COL25A1: variants seen among roughly 807,000 people sequenced by gnomAD.
COL25A1 encodes the protein collagen alpha-1(XXV) chain.
In COL25A1, 103 loss-of-function variants were observed where a neutral mutation model predicts 128.4. That is an observed-to-expected ratio of 0.80 (90% CI 0.68 to 0.94). The LOEUF (loss-of-function observed/expected upper bound fraction) is 0.94. COL25A1 is among the 40% of genes least tolerant of loss of function. The probability of loss-of-function intolerance (pLI) is 0.00; values close to 1 mark genes in which losing one functional copy is unlikely to be tolerated. For missense variants in COL25A1, 745 were observed against 840.0 expected, an observed-to-expected ratio of 0.89 and a Z score of 1.40; for synonymous variants, 279 against 277.2, an observed-to-expected ratio of 1.01 and a Z score of -0.06.
rs147350116 is a variant in COL25A1, at chr4:109,210,518, A to G, written c.367+90065T>C. ...AAGATGAGCCAGCATATTCCAACAGACAAAATTGCAATGTGATCTTATTTT... is the reference window on the plus strand; with the variant it reads ...AAGATGAGCCAGCATATTCCAACAGGCAAAATTGCAATGTGATCTTATTTT... On this transcript the variant is annotated intron_variant, in intron 3 of 37. Transcript: ENST00000399132. Among the ~76,000 whole-genome samples the G allele has an allele frequency of 2.9e-3, 449 of 152,336 alleles. 1 individual carries two copies. The highest frequency in any genetic ancestry group is 0.01 in the African/African-American group (429 of 41,590).
At chr4:109,012,803 C>A (rs1326472838) in intron 5 of COL25A1, among the ~76,000 whole-genome samples, 3 of 152,214 alleles carry the variant, frequency 2.0e-5, no homozygotes, top group African/African-American at 7.2e-5. Flanking sequence ...ACGGGTGCCG[C>A]CCCCTGCTCC....
rs71848943 is a variant in COL25A1 at position 109,052,210 on chromosome 4, G to GA, written c.368-2032dup. ...TTTTACTTAACAGACAGAAGATTAT[G>GA]AAAAAAATGATTAAAGAAGCACTCA... On this transcript the variant is annotated intron_variant, in intron 3 of 37. Transcript: ENST00000399132. 2.6e-5 allele frequency among the ~76,000 whole-genome samples: 4 copies of GA among 152,040 alleles called. No homozygotes were observed. In the East Asian group the frequency reaches 5.8e-4, roughly 22 times the overall value.
At chr4:108,887,743 T>C (rs1740997448) in intron 18 of COL25A1, among the ~76,000 whole-genome samples, 1 of 152,188 alleles carries the variant, frequency 6.6e-6, no homozygotes, top group Non-Finnish European at 1.5e-5. Context: ...TTTTATTAAG[T>C]AATTGAAAAT....
At chr4:109,064,044 G>A (rs1375680876) in intron 3 of COL25A1, among the ~76,000 whole-genome samples, 1 of 152,168 alleles carries the variant, frequency 6.6e-6, no homozygotes, top group African/African-American at 2.4e-5. Flanking sequence ...CAAAGTTGGA[G>A]GCTTAATTGG....
chr4:108,896,168 T>C (rs1309829225), intron 16 of COL25A1, among the ~76,000 whole-genome samples: 2 of 151,770 alleles, frequency 1.3e-5, no homozygotes, highest in African/African-American at 4.8e-5. Flanking sequence ...CAGGATGGTC[T>C]CGATCTGCTG....
rs569107588 is a variant in COL25A1 at position 108,983,742 on chromosome 4, G to T, written c.439-9183C>A. 3.3e-5 allele frequency among the ~76,000 whole-genome samples: 5 copies of T among 152,122 alleles called. No individual in the cohort carries two copies. In the South Asian group the frequency reaches 1.0e-3, roughly 32 times the overall value. On this transcript the variant is annotated intron_variant, in intron 6 of 37. Transcript: ENST00000399132. ...CGCAGTGAGTGTTACAGCTCTTAAGGCGGTGCGTCTGGAGTTGCTCGTTCC... is the reference window on the plus strand; with the variant it reads ...CGCAGTGAGTGTTACAGCTCTTAAGTCGGTGCGTCTGGAGTTGCTCGTTCC...
intron 19 of COL25A1, among the ~76,000 whole-genome samples, chr4:108,873,182 T>A (rs1172760332): frequency 1.3e-5 from 2 of 151,966 alleles, no homozygotes; most frequent in Non-Finnish European, 2.9e-5. Flanking sequence ...TGTGAGCCAC[T>A]CCCCCCAGGC....
At chr4:108,912,145 T>C (rs1007734653) in intron 13 of COL25A1, among the ~76,000 whole-genome samples, 1 of 152,154 alleles carries the variant, frequency 6.6e-6, no homozygotes, top group Admixed American at 6.5e-5. Context: ...AAAATGTCTT[T>C]AAGAGTAGAG....
intron 3 of COL25A1, among the ~76,000 whole-genome samples, chr4:109,283,869 C>T (rs1379466666): frequency 2.0e-5 from 3 of 152,190 alleles, no homozygotes; most frequent in South Asian, 4.1e-4. Flanking sequence ...CAAACTACTT[C>T]CTTCCAAATA....
intron 3 of COL25A1, among the ~76,000 whole-genome samples, chr4:109,263,733 T>C (rs569364573): frequency 1.0e-3 from 158 of 152,328 alleles, no homozygotes; most frequent in African/African-American, 3.6e-3. Flanking sequence ...CACTGAGCAC[T>C]GGGCCCTCTG....
At chr4:108,913,261 CTTTT>C (rs201929872) in intron 13 of COL25A1, among the ~76,000 whole-genome samples, 26 of 92,424 alleles carry the variant, frequency 2.8e-4, no homozygotes, top group South Asian at 7.0e-4. Context: ...TCTCTAGCTC[CTTTT>C]TTTTTTTTTT....
chr4:109,226,350 C>T (rs1439296495), intron 3 of COL25A1, among the ~76,000 whole-genome samples: 1 of 152,022 alleles, frequency 6.6e-6, no homozygotes, highest in Non-Finnish European at 1.5e-5. Flanking sequence ...GACAAAACTG[C>T]ACTTGTACCC....
At chr4:108,916,662 A>G (rs2125893200) in intron 13 of COL25A1, among the ~76,000 whole-genome samples, 1 of 152,276 alleles carries the variant, frequency 6.6e-6, no homozygotes, top group Non-Finnish European at 1.5e-5. Context: ...GAGTTATATA[A>G]TTTTCAAATC....
At chr4:109,171,000 A>C (rs1242423290) in intron 3 of COL25A1, among the ~76,000 whole-genome samples, 1 of 152,094 alleles carries the variant, frequency 6.6e-6, no homozygotes, top group Non-Finnish European at 1.5e-5. Flanking sequence ...AAAGGACTTT[A>C]TCTTTTTCAC....
At chr4:109,257,028 A>G (rs1781129700) in intron 3 of COL25A1, among the ~76,000 whole-genome samples, 1 of 152,170 alleles carries the variant, frequency 6.6e-6, no homozygotes. Flanking sequence ...GTCATTCCAT[A>G]TGAGTCAGTA....
At position 109,232,667 on chromosome 4, in the gene COL25A1, ATAAG is replaced by A. The variant is rs557697465; in HGVS notation, c.367+67912_367+67915del. On this transcript the variant is annotated intron_variant, in intron 3 of 37. Transcript: ENST00000399132. The stretch of plus-strand genomic sequence containing the variant: ...TAGAATTTTTCTTTCTGAGATATAT[ATAAG>A]TAACCTCTGTGACAAATCATGTAAT... 8.9e-4 allele frequency among the ~76,000 whole-genome samples: 135 copies of A among 152,320 alleles called. 2 individuals carry two copies. The highest frequency in any genetic ancestry group is 3.4e-3 in the Middle Eastern group (1 of 294).
chr4:109,136,293 G>T (rs1164018396), intron 3 of COL25A1, among the ~76,000 whole-genome samples: 2 of 152,164 alleles, frequency 1.3e-5, no homozygotes, highest in South Asian at 2.1e-4. Context: ...CAGCTACTGG[G>T]GAGGCTAAGG....
At chr4:108,922,576 G>A (rs563074522) in intron 11 of COL25A1, among the ~76,000 whole-genome samples, 1 of 152,186 alleles carries the variant, frequency 6.6e-6, no homozygotes, top group African/African-American at 2.4e-5. Flanking sequence ...TTTAATTAGC[G>A]AATAACATAT....
At chr4:109,119,374 A>C (rs1347753813) in intron 3 of COL25A1, among the ~76,000 whole-genome samples, 1 of 152,028 alleles carries the variant, frequency 6.6e-6, no homozygotes, top group Non-Finnish European at 1.5e-5. Context: ...TAAAGAAATA[A>C]GAAATTAATA....
Sources: allele counts gnomAD v4.1 joint callset (sites outside exome capture counted in the v4.1 genomes callset), GRCh38; gene constraint gnomAD v4.1.1; transcripts MANE v1.5; gene names NCBI Gene and HGNC (gene_info 2026-07-23, HGNC 2026-07-21).